The following CREB3L3 variants were observed in gnomAD, a reference collection of about 807,000 sequenced individuals.
CREB3L3 encodes cAMP responsive element binding protein 3 like 3.
CREB3L3 carries 40 observed loss-of-function variants against 44.6 expected under a neutral mutation model. The ratio of observed to expected loss-of-function variants is 0.90; its 90% CI spans 0.70 to 1.17. The LOEUF (loss-of-function observed/expected upper bound fraction) is 1.17, where lower values mean the gene tolerates loss of function less well. Among genes scored for constraint, CREB3L3 ranks in the 50% most tolerant of loss-of-function variants. The probability of loss-of-function intolerance (pLI) is 0.00; values close to 1 mark genes in which losing one functional copy is unlikely to be tolerated. For missense variants in CREB3L3, 578 were observed against 595.8 expected (o/e 0.97, Z 0.31); for synonymous variants, 273 against 256.3 (o/e 1.06, Z -0.62).
chr19:4,154,503 G>A (rs1156897722), intron 1 of CREB3L3, among the ~76,000 whole-genome samples: 1 of 152,076 alleles, frequency 6.6e-6, no homozygotes, highest in Non-Finnish European at 1.5e-5. Flanking sequence ...CCCAGTAGCT[G>A]GGACGACAAG....
At chr19:4,158,122 C>G (rs1410363720) in intron 3 of CREB3L3, among the ~76,000 whole-genome samples, 2 of 152,170 alleles carry the variant, frequency 1.3e-5, no homozygotes, top group African/African-American at 2.4e-5. Context: ...AGAGCCCTGG[C>G]TGGAGATACT....
At chr19:4,159,088 T>C (rs2041626269) in intron 3 of CREB3L3, among the ~76,000 whole-genome samples, 1 of 152,082 alleles carries the variant, frequency 6.6e-6, no homozygotes, top group Non-Finnish European at 1.5e-5. Flanking sequence ...CTCCTGACAA[T>C]GTCCTGTGTC....
At chr19:4,166,110 A>T (rs1228212539) in intron 5 of CREB3L3, among the ~76,000 whole-genome samples, 4 of 149,136 alleles carry the variant, frequency 2.7e-5, no homozygotes, top group Non-Finnish European at 5.9e-5. Flanking sequence ...TTCTATTGAG[A>T]CAGGTTCTGA....
chr19:4,167,932 C>G (rs1488659640), intron 5 of CREB3L3, among the ~76,000 whole-genome samples: 1 of 151,640 alleles, frequency 6.6e-6, no homozygotes, highest in South Asian at 2.1e-4. Flanking sequence ...GACTGTCGCA[C>G]CATCCCCAAA....
chr19:4,165,239 C>A (rs990904202), intron 5 of CREB3L3, among the ~76,000 whole-genome samples: 4 of 151,470 alleles, frequency 2.6e-5, no homozygotes, highest in Admixed American at 2.0e-4. Context: ...GCCATCATAG[C>A]TCACTTCAGC....
At chr19:4,153,907 C>A in intron 1 of CREB3L3, 133 bp downstream of exon 1, 1 of 1,075,558 alleles carries the variant, frequency 9.3e-7, no homozygotes, top group Non-Finnish European at 1.4e-6. Context: ...AGAAAGGATG[C>A]AATGAGCAAA....
intron 6 of CREB3L3, among the ~76,000 whole-genome samples, chr19:4,168,962 T>C (rs1272449279): frequency 6.6e-6 from 1 of 152,002 alleles, no homozygotes; most frequent in Admixed American, 6.6e-5. Flanking sequence ...CTCAAACTCC[T>C]GACCTCAGGT....
intron 5 of CREB3L3, among the ~76,000 whole-genome samples, chr19:4,166,521 C>T (rs973723463): frequency 6.6e-6 from 1 of 150,476 alleles, no homozygotes; most frequent in African/African-American, 2.5e-5. Context: ...AGCTCAGCCT[C>T]CCAAAGTGTT....
At chr19:4,168,537 C>T in intron 6 of CREB3L3, 80 bp downstream of exon 6, 1 of 1,121,074 alleles carries the variant, frequency 8.9e-7, no homozygotes, top group Non-Finnish European at 1.3e-6. Context: ...TAAGGCCACA[C>T]AGCTTAGAGT....
chr19:4,167,442 A>G (rs1333313739), intron 5 of CREB3L3, among the ~76,000 whole-genome samples: 1 of 141,544 alleles, frequency 7.1e-6, no homozygotes, highest in Admixed American at 7.8e-5. Flanking sequence ...GAAAGGAAAG[A>G]AAGAAAGGAA....
At chr19:4,168,225 C>T in intron 5 of CREB3L3, 126 bp from the exon 6 acceptor site, 1 of 641,648 alleles carries the variant, frequency 1.6e-6, no homozygotes, top group Non-Finnish European at 2.9e-6. Context: ...TCTCGAACTC[C>T]TGACCTCAGG....
intron 4 of CREB3L3, among the ~76,000 whole-genome samples, chr19:4,160,076 G>A (rs1302497215): frequency 2.6e-5 from 4 of 152,034 alleles, no homozygotes; most frequent in South Asian, 2.1e-4. Context: ...CAGGCAGATC[G>A]CTTGAGCTCA....
At chr19:4,163,937 T>A (rs2041693311) in intron 4 of CREB3L3, among the ~76,000 whole-genome samples, 1 of 150,816 alleles carries the variant, frequency 6.6e-6, no homozygotes, top group African/African-American at 2.4e-5. Context: ...CCTGAGTAGC[T>A]GGGATTACAG....
chr19:4,166,673 G>C (rs75368089), intron 5 of CREB3L3, among the ~76,000 whole-genome samples: 122 of 151,680 alleles, frequency 8.0e-4, no homozygotes, highest in Middle Eastern at 3.4e-3. Context: ...TAAGATTACA[G>C]GTGTGAGCCA....
rs1027566371 is a variant in CREB3L3, at chr19:4,167,526, GAGAA to G, written c.715-822_715-819del. 5.9e-5 allele frequency among the ~76,000 whole-genome samples: 7 copies of G among 117,698 alleles called. No individual in the cohort carries two copies. The Admixed American group carries it at 7.0e-4, about 12-fold the overall frequency. 77.2% of individuals were successfully genotyped at this position (117,698 alleles called of 152,430 possible). ...AGAGAAAGAGAGAAAGAGAGAAAGG[GAGAA>G]AGGAAGGAAGGGAGGGAGGGAGGGA... On this transcript the variant is annotated intron_variant, in intron 5 of 9. Coordinates refer to ENST00000078445, the MANE Select transcript of CREB3L3 (RefSeq NM_032607.3).
intron 6 of CREB3L3, among the ~76,000 whole-genome samples, 169 bp downstream of exon 6, chr19:4,168,626 T>G (rs949288341): frequency 1.3e-5 from 2 of 152,116 alleles, no homozygotes; most frequent in African/African-American, 4.8e-5. Context: ...AGATGCCTAG[T>G]GATGGTGTAG....
chr19:4,170,471 G>A (rs168423), intron 7 of CREB3L3, among the ~76,000 whole-genome samples: 34,390 of 151,746 alleles, frequency 0.23, 4,193 homozygotes, highest in African/African-American at 0.32. Flanking sequence ...AATTAGCCAG[G>A]CGTGGTGGCG....
chr19:4,155,092 G>A lies in CREB3L3; in HGVS notation c.156+65G>A, dbSNP rs370017431. ...CCAGGCGGGCCAACTGAGGCCCCACGAAGGTGCTAGACCCGCCAGAGCCCA... is the reference window on the plus strand; with the variant it reads ...CCAGGCGGGCCAACTGAGGCCCCACAAAGGTGCTAGACCCGCCAGAGCCCA... On this transcript the variant is annotated intron_variant, in intron 2 of 9. Transcript: ENST00000078445. 85 of 1,589,758 alleles carry A rather than the reference G, an allele frequency of 5.3e-5. No individual in the cohort carries two copies. The Middle Eastern group carries it at 7.9e-4, about 15-fold the overall frequency.
chr19:4,157,021 C>G lies in CREB3L3; in HGVS notation c.183C>G (p.Asp61Glu). Residue 61 changes from aspartate (D) to glutamate (E), a missense_variant, in exon 3 of 10, where the codon GAC (aspartate) becomes GAG (glutamate). Asp to Glu is a conservative substitution (Grantham distance 45). Transcript: ENST00000078445. ...AGGTCCTGCCAAACCCCGACTCTGA[C>G]GACTTCCTCAGCTCCATCCTGGGCT... ...DQQVLPNPDS[D>E]DFLSSILGSG... 6.2e-7 allele frequency: 1 copy of G among 1,614,086 alleles called. No homozygotes were observed. Among genetic ancestry groups the G allele is most frequent in the African/African-American group, 1.3e-5 (1 of 75,022 alleles).
Sources: gnomAD v4.1 joint callset for allele counts (sites outside exome capture counted in the v4.1 genomes callset) on GRCh38, gnomAD v4.1.1 for gene constraint, MANE v1.5 for transcripts, NCBI Gene and HGNC (gene_info 2026-07-23, HGNC 2026-07-21) for gene names.